The following ASCC3 variants were observed in gnomAD, a reference collection of about 807,000 sequenced individuals.
ASCC3 encodes activating signal cointegrator 1 complex subunit 3.
A neutral mutation model predicts 256.3 loss-of-function variants in ASCC3; 158 were observed. The observed-to-expected ratio is 0.62, with a 90% confidence interval of 0.54 to 0.70. ASCC3 has a LOEUF of 0.70. Among genes scored for constraint, ASCC3 ranks in the 30% least tolerant of loss-of-function variants. The probability of loss-of-function intolerance (pLI) is 0.00; values close to 1 mark genes in which losing one functional copy is unlikely to be tolerated. For missense variants in ASCC3, 2,259 were observed against 2,626.0 expected (o/e 0.86, Z 3.05); for synonymous variants, 948 against 883.4 (o/e 1.07, Z -1.30).
chr6:100,585,250 C>T (rs930330174), intron 36 of ASCC3, among the ~76,000 whole-genome samples: 7 of 152,302 alleles, frequency 4.6e-5, no homozygotes, highest in Non-Finnish European at 8.8e-5. Context: ...TTCACATAGT[C>T]CCATATTTCT....
At chr6:100,880,722 A>T (rs1769257364) in intron 1 of ASCC3, among the ~76,000 whole-genome samples, 1 of 152,252 alleles carries the variant, frequency 6.6e-6, no homozygotes, top group Non-Finnish European at 1.5e-5. Flanking sequence ...CGAAGTTATC[A>T]AGGCTTTGTA....
At chr6:100,752,138 T>G (rs924601036) in intron 10 of ASCC3, among the ~76,000 whole-genome samples, 1 of 152,134 alleles carries the variant, frequency 6.6e-6, no homozygotes. Context: ...TTTTCCTGGA[T>G]TTTATTACCT....
At chr6:100,526,954 A>T (rs1034848195) in intron 37 of ASCC3, among the ~76,000 whole-genome samples, 4 of 152,182 alleles carry the variant, frequency 2.6e-5, no homozygotes, top group Admixed American at 6.5e-5. Context: ...CAGATTTGGC[A>T]GAAAATCTTA....
At chr6:100,760,158 A>T (rs1781360627) in intron 10 of ASCC3, among the ~76,000 whole-genome samples, 1 of 152,112 alleles carries the variant, frequency 6.6e-6, no homozygotes, top group Admixed American at 6.6e-5. Flanking sequence ...CTCTTGCCTG[A>T]TTGCCCTGGC....
At chr6:100,596,099 A>C (rs1354788889) in intron 34 of ASCC3, among the ~76,000 whole-genome samples, 1 of 151,974 alleles carries the variant, frequency 6.6e-6, no homozygotes, top group Non-Finnish European at 1.5e-5. Flanking sequence ...TTTTGATTTC[A>C]TCTTTTACTA....
At chr6:100,754,859 G>C (rs779074173) in intron 10 of ASCC3, among the ~76,000 whole-genome samples, 1 of 151,990 alleles carries the variant, frequency 6.6e-6, no homozygotes, top group African/African-American at 2.4e-5. Context: ...TAAGTCTCAC[G>C]AGATTTGATG....
intron 36 of ASCC3, among the ~76,000 whole-genome samples, chr6:100,549,263 A>T (rs184977444): frequency 1.3e-5 from 2 of 152,126 alleles, no homozygotes; most frequent in African/African-American, 2.4e-5. Context: ...TATTTGGAAC[A>T]TTCTGTTTAA....
chr6:100,769,379 A>C (rs1265404019), intron 8 of ASCC3, among the ~76,000 whole-genome samples: 1 of 152,034 alleles, frequency 6.6e-6, no homozygotes, highest in Non-Finnish European at 1.5e-5. Flanking sequence ...TGTTATTATC[A>C]CAAAGAAATA....
In ASCC3 at chr6:100,601,829, G is replaced by A. The variant is rs138910225; in HGVS notation, c.5284C>T (p.Arg1762Cys). Residue 1762 changes from arginine to cysteine, a missense_variant, in exon 34 of 42, where the codon CGT (arginine) becomes TGT (cysteine). Coordinates refer to ENST00000369162, the MANE Select transcript of ASCC3 (RefSeq NM_006828.4). ...ACTTACCTGGGATTCATGATAAGAC[G>A]TCGGAAAAAGTAAGTCCAGGTGATA... ...DYITWTYFFR[R>C]LIMNPSYYNL... 2.5e-6 allele frequency: 4 copies of A among 1,612,162 alleles called. No individual in the cohort carries two copies. Among genetic ancestry groups the A allele is most frequent in the Non-Finnish European group, 3.4e-6 (4 of 1,178,754 alleles).
At chr6:100,710,877 T>C (rs1033832563) in intron 13 of ASCC3, among the ~76,000 whole-genome samples, 1 of 152,068 alleles carries the variant, frequency 6.6e-6, no homozygotes, top group Non-Finnish European at 1.5e-5. Context: ...TAATTATAAA[T>C]AGTATGATGA....
chr6:100,754,364 T>C (rs1220104364), intron 10 of ASCC3, among the ~76,000 whole-genome samples: 1 of 152,114 alleles, frequency 6.6e-6, no homozygotes, highest in Admixed American at 6.6e-5. Flanking sequence ...GGGTACACAG[T>C]AGGTATTTAT....
intron 8 of ASCC3, among the ~76,000 whole-genome samples, chr6:100,786,459 T>G (rs2114282236): frequency 6.6e-6 from 1 of 152,132 alleles, no homozygotes; most frequent in Admixed American, 6.6e-5. Context: ...TATAACAAAT[T>G]TAAATTAAAT....
At chr6:100,858,900 AC>A in intron 3 of ASCC3, 1 of 537,410 alleles carries the variant, frequency 1.9e-6, no homozygotes, top group Non-Finnish European at 3.3e-6. Flanking sequence ...ATCATACATT[AC>A]ATTTTGATTA....
In ASCC3 at chr6:100,767,291, C is replaced by T; in HGVS notation, c.1450G>A (p.Val484Met). The change falls in exon 9 of 42, where the codon GTG (valine) becomes ATG (methionine). Residue 484 changes from valine (V) to methionine (M), a missense_variant. Around this residue, in one of 2 missense-constraint regions of ASCC3, gnomAD observed 1,839 missense variants for 2,206.7 expected, o/e 0.83. Transcript: ENST00000369162. ...MKRLNRIQSIVFETAYNTNEN... is the reference protein window; with the variant it reads ...MKRLNRIQSIMFETAYNTNEN... ...TTGGTGTTGTAGGCAGTCTCAAACA[C>T]TATTGACTGGATTCTATTGAGTCTC... The T allele has an allele frequency of 1.2e-6, 2 of 1,614,018 alleles. No homozygotes were observed. The highest frequency in any genetic ancestry group is 1.7e-5 in the Admixed American group (1 of 60,014).
At chr6:100,784,808 TTC>T (rs996855029) in intron 8 of ASCC3, among the ~76,000 whole-genome samples, 4 of 152,038 alleles carry the variant, frequency 2.6e-5, no homozygotes, top group African/African-American at 7.2e-5. Flanking sequence ...CAGAAATCTT[TTC>T]TGTTTAGATA....
intron 36 of ASCC3, among the ~76,000 whole-genome samples, chr6:100,547,158 A>G (rs1423179969): frequency 6.6e-6 from 1 of 152,138 alleles, no homozygotes; most frequent in African/African-American, 2.4e-5. Context: ...TAGTAGAATA[A>G]CTGGGTATCC....
At chr6:100,537,418 G>A (rs927092569) in intron 37 of ASCC3, among the ~76,000 whole-genome samples, 2 of 152,128 alleles carry the variant, frequency 1.3e-5, no homozygotes, top group African/African-American at 4.8e-5. Flanking sequence ...ACAACTAAAT[G>A]AAACGTGGGA....
chr6:100,806,187 T>C (rs1027049925), intron 4 of ASCC3, among the ~76,000 whole-genome samples: 2 of 152,008 alleles, frequency 1.3e-5, no homozygotes. Flanking sequence ...TCTAAAATAA[T>C]TTAATTTGCT....
At chr6:100,525,249 C>T (rs946008575) in intron 37 of ASCC3, among the ~76,000 whole-genome samples, 4 of 148,976 alleles carry the variant, frequency 2.7e-5, no homozygotes, top group Non-Finnish European at 4.5e-5. Flanking sequence ...TGAGGCATGT[C>T]TGTTCAAATT....
Sources: allele counts gnomAD v4.1 joint callset (sites outside exome capture counted in the v4.1 genomes callset), GRCh38; gene constraint gnomAD v4.1.1; regional missense constraint gnomAD v4.1.1; transcripts MANE v1.5; gene names NCBI Gene and HGNC (gene_info 2026-07-23, HGNC 2026-07-21).